The following DPF3 variants were observed in gnomAD, a reference collection of about 807,000 sequenced individuals.
DPF3 encodes zinc finger protein DPF3.
DPF3 carries 18 observed loss-of-function variants against 56.8 expected under a neutral mutation model. The ratio of observed to expected loss-of-function variants is 0.32; its 90% CI spans 0.22 to 0.47. DPF3 has a LOEUF of 0.47. DPF3 is among the 20% of genes least tolerant of loss of function. The pLI is 1.00. For missense variants in DPF3, 403 were observed against 488.8 expected (o/e 0.82, Z 1.65); for synonymous variants, 188 against 180.2 (o/e 1.04, Z -0.35).
chr14:72,872,706 A>G (rs1885949510), intron 1 of DPF3, among the ~76,000 whole-genome samples: 1 of 152,226 alleles, frequency 6.6e-6, no homozygotes, highest in African/African-American at 2.4e-5. Flanking sequence ...ACAGCATGGT[A>G]CTGGTACCAA....
At position 72,619,300 on chromosome 14, in the gene DPF3, G is replaced by C. The variant is rs73308335; in HGVS notation, c.1134C>G (p.Ala378=). 8.5e-3 allele frequency: 13,120 copies of C among 1,536,054 alleles called. 1,009 individuals are homozygous for C. The African/African-American group carries it at 0.16, about 19-fold the overall frequency. The change falls in exon 11 of 11, where the codon GCC becomes GCG. Residue 378 remains alanine, a synonymous_variant. Coordinates refer to ENST00000556509, the MANE Select transcript of DPF3 (RefSeq NM_001280542.3). The part of the protein sequence containing the change: ...KEKASAFGCQ[A] Reference sequence around the variant, plus strand: ...TCACATTCTGTGACCTGGGGCCCTAGGCCTGGCAGCCAAAGGCTGAGGCTT... The same window carrying C: ...TCACATTCTGTGACCTGGGGCCCTACGCCTGGCAGCCAAAGGCTGAGGCTT...
In DPF3 at chr14:72,798,920, C is replaced by T. The variant is rs1457043349; in HGVS notation, c.33-27027G>A. ...GCTTACTGCCCTCTCCTAAAGCTCC[C>T]GAAACCTTTGGAAGTCACAGTTCTG... is the stretch of plus-strand genomic sequence containing the variant. On this transcript the variant is annotated intron_variant, in intron 1 of 10. Coordinates refer to ENST00000556509, the MANE Select transcript of DPF3 (RefSeq NM_001280542.3). Among the ~76,000 whole-genome samples the T allele has an allele frequency of 4.6e-5, 7 of 152,338 alleles. No individual in the cohort carries two copies. In the East Asian group the frequency reaches 5.8e-4, roughly 13 times the overall value.
chr14:72,856,532 G>A (rs1885175247), intron 1 of DPF3, among the ~76,000 whole-genome samples: 2 of 152,180 alleles, frequency 1.3e-5, no homozygotes, highest in African/African-American at 4.8e-5. Context: ...AAGGGAAACT[G>A]CATTCCAAGA....
chr14:72,650,295 G>A (rs1885869729), intron 8 of DPF3, among the ~76,000 whole-genome samples: 1 of 152,162 alleles, frequency 6.6e-6, no homozygotes, highest in Non-Finnish European at 1.5e-5. Flanking sequence ...ACCCCGCCCC[G>A]ACAGAGTTAA....
intron 3 of DPF3, among the ~76,000 whole-genome samples, chr14:72,740,403 T>G (rs1422431973): frequency 6.6e-6 from 1 of 152,170 alleles, no homozygotes; most frequent in Non-Finnish European, 1.5e-5. Flanking sequence ...GTATGTCGTC[T>G]CTTAATGAGT....
intron 1 of DPF3, among the ~76,000 whole-genome samples, chr14:72,893,348 C>A (rs530741385): frequency 6.6e-6 from 1 of 152,200 alleles, no homozygotes. Context: ...AAAGCCAGCT[C>A]GCTCGCAAAT....
chr14:72,704,329 G>T (rs1474707121), intron 6 of DPF3, among the ~76,000 whole-genome samples: 1 of 152,180 alleles, frequency 6.6e-6, no homozygotes, highest in Non-Finnish European at 1.5e-5. Context: ...CAACATTTCT[G>T]GGGAAGGTAA....
intron 1 of DPF3, among the ~76,000 whole-genome samples, chr14:72,795,289 A>ATATAT (rs1179925797): frequency 8.2e-4 from 98 of 119,246 alleles, no homozygotes; most frequent in South Asian, 2.2e-3. Context: ...AAAAAAAAAA[A>ATATAT]AAAAAAATAT....
intron 3 of DPF3, among the ~76,000 whole-genome samples, chr14:72,747,909 TA>T (rs1348487508): frequency 6.6e-6 from 1 of 152,210 alleles, no homozygotes; most frequent in Non-Finnish European, 1.5e-5. Context: ...TGTGGAACTG[TA>T]AGTCCAATAA....
intron 3 of DPF3, among the ~76,000 whole-genome samples, chr14:72,738,276 G>A (rs1370124490): frequency 3.3e-5 from 5 of 152,026 alleles, no homozygotes; most frequent in African/African-American, 7.3e-5. Flanking sequence ...GCTCGAAATA[G>A]ATGAGGTTCA....
intron 5 of DPF3, among the ~76,000 whole-genome samples, chr14:72,722,285 C>A (rs553575709): frequency 7.2e-5 from 11 of 152,342 alleles, no homozygotes; most frequent in Admixed American, 3.3e-4. Context: ...CTGGTCCCAG[C>A]TGTACCAGAA....
intron 1 of DPF3, among the ~76,000 whole-genome samples, chr14:72,835,421 G>A (rs867277445): frequency 2.5e-4 from 38 of 152,146 alleles, no homozygotes; most frequent in African/African-American, 6.5e-4. Context: ...GGATGATGGC[G>A]GATGTACTAA....
chr14:72,877,881 A>G (rs984981934), intron 1 of DPF3, among the ~76,000 whole-genome samples: 5 of 152,222 alleles, frequency 3.3e-5, no homozygotes, highest in African/African-American at 9.6e-5. Flanking sequence ...ATGTATAAGT[A>G]TCTGTTATAC....
chr14:72,620,398 C>G (rs1360141076), intron 9 of DPF3, among the ~76,000 whole-genome samples: 1 of 152,226 alleles, frequency 6.6e-6, no homozygotes, highest in Non-Finnish European at 1.5e-5. Flanking sequence ...CTGGACTCCA[C>G]TCTCTCCATC....
chr14:72,800,264 G>A (rs1008432244), intron 1 of DPF3, among the ~76,000 whole-genome samples: 4 of 152,142 alleles, frequency 2.6e-5, no homozygotes, highest in Non-Finnish European at 4.4e-5. Flanking sequence ...AGCTCACCAC[G>A]GCCCCCACCA....
At position 72,609,794 on chromosome 14, in the gene DPF3, T is replaced by C. The variant is rs538433802; in HGVS notation, c.*9503A>G. Reference sequence around the variant, plus strand: ...CAGGGTGGGCCAAATGGAGATATTGTCTCAAGACCATTACACACAGCTTCC... The same window carrying C: ...CAGGGTGGGCCAAATGGAGATATTGCCTCAAGACCATTACACACAGCTTCC... On this transcript the variant is annotated 3_prime_UTR_variant, in exon 11 of 11. Coordinates refer to ENST00000556509, the MANE Select transcript of DPF3 (RefSeq NM_001280542.3). Among the ~76,000 whole-genome samples the C allele has an allele frequency of 6.6e-6, 1 of 152,284 alleles. No homozygotes were observed. The highest frequency in any genetic ancestry group is 2.1e-4 in the South Asian group (1 of 4,824).
intron 1 of DPF3, among the ~76,000 whole-genome samples, chr14:72,872,642 G>A (rs946079537): frequency 1.3e-5 from 2 of 152,166 alleles, no homozygotes; most frequent in African/African-American, 4.8e-5. Flanking sequence ...GAACAAAGCT[G>A]GAGGCATCAT....
At chr14:72,752,562 C>G (rs1241274783) in intron 3 of DPF3, among the ~76,000 whole-genome samples, 1 of 152,168 alleles carries the variant, frequency 6.6e-6, no homozygotes, top group Non-Finnish European at 1.5e-5. Context: ...ACTCGGGAAG[C>G]TGAGGCAGGA....
At chr14:72,864,957 G>A (rs149833639) in intron 1 of DPF3, among the ~76,000 whole-genome samples, 26 of 152,334 alleles carry the variant, frequency 1.7e-4, no homozygotes, top group African/African-American at 6.0e-4. Flanking sequence ...TGTAAGTCAG[G>A]ACGAGGGGAG....
Sources: allele counts gnomAD v4.1 joint callset (sites outside exome capture counted in the v4.1 genomes callset), GRCh38; gene constraint gnomAD v4.1.1; transcripts MANE v1.5; gene names NCBI Gene and HGNC (gene_info 2026-07-23, HGNC 2026-07-21).